The following KLRD1 variants were observed in gnomAD, a reference collection of about 807,000 sequenced individuals.
The protein encoded by KLRD1 is natural killer cells antigen CD94.
In KLRD1, 21 loss-of-function variants were observed where a neutral mutation model predicts 22.6. That is an observed-to-expected ratio of 0.93 (90% CI 0.66 to 1.34). The LOEUF (loss-of-function observed/expected upper bound fraction) is 1.34, where lower values mean the gene tolerates loss of function less well. KLRD1 is among the 40% of genes most tolerant of loss of function. The pLI is 0.00. For missense variants in KLRD1, 183 were observed against 208.6 expected, an observed-to-expected ratio of 0.88 and a Z score of 0.76; for synonymous variants, 59 against 71.1, an observed-to-expected ratio of 0.83 and a Z score of 0.85.
Position 10,316,507 on chromosome 12 carries a change from A to T in KLRD1, c.*1714A>T, listed in dbSNP as rs7301715. On this transcript the variant is annotated 3_prime_UTR_variant, in exon 6 of 6. Transcript: ENST00000336164. ...AGCTTCAACTTCCCAGGCTCAAGGG[A>T]TCCTCCCACCTCAGCCTTCTGAGTA... is the stretch of plus-strand genomic sequence containing the variant. 61,961 of 151,666 alleles carry T rather than the reference A, an allele frequency of 0.41. 12,682 individuals carry two copies. Among genetic ancestry groups the T allele is most frequent in the East Asian group, 0.5 (2,581 of 5,136 alleles). The allele number at this position is 151,666 out of a possible 1,614,324, so 9.4% of individuals were successfully genotyped here. A position where few individuals can be genotyped will look rare whatever the true frequency, so the allele number is the denominator to read the frequency against.
At chr12:10,249,406 T>G (rs1949324239) in intron 1 of KLRD1, among the ~76,000 whole-genome samples, 1 of 152,208 alleles carries the variant, frequency 6.6e-6, no homozygotes, top group Non-Finnish European at 1.5e-5. Flanking sequence ...ATTCAATCCC[T>G]AGAAAAACCT....
upstream of KLRD1, among the ~76,000 whole-genome samples, chr12:10,301,754 A>G (rs1041700292): frequency 1.3e-5 from 2 of 152,204 alleles, no homozygotes; most frequent in African/African-American, 2.4e-5. Context: ...CAACTTGGCT[A>G]ACTCTTTTGT....
rs74905551 is a variant in KLRD1, at chr12:10,285,532, A to G, written c.-100-22446A>G. ...CCAATATGAAATAAGTCCTTTGTGT[A>G]TCAATAGTCACCAGGATAATTTTTC... On this transcript the variant is annotated intron_variant, in intron 1 of 5. Coordinates refer to the KLRD1 transcript ENST00000544747. Among the ~76,000 whole-genome samples the G allele has an allele frequency of 3.9e-3, 598 of 152,336 alleles. 19 individuals carry two copies. The East Asian group carries it at 0.068, about 17-fold the overall frequency.
intron 1 of KLRD1, among the ~76,000 whole-genome samples, chr12:10,254,714 C>G (rs1949378160): frequency 6.6e-6 from 1 of 151,900 alleles, no homozygotes; most frequent in African/African-American, 2.4e-5. Flanking sequence ...CATGGTGAAA[C>G]CCTGTCTCAT....
rs151242461 is a variant in KLRD1 at position 10,252,295 on chromosome 12, A to G, written c.-101+26062A>G. Among the ~76,000 whole-genome samples, 594 of 152,212 alleles carry G rather than the reference A, an allele frequency of 3.9e-3. 6 individuals carry two copies. In the Middle Eastern group the frequency reaches 0.061, roughly 16 times the overall value. On this transcript the variant is annotated intron_variant, in intron 1 of 5. Coordinates refer to the KLRD1 transcript ENST00000544747. ...ATGTATGTTCTATAAATAATACAAAAATTAGCTGTGTGTGGTGATGTGCAG... is the reference window on the plus strand; with the variant it reads ...ATGTATGTTCTATAAATAATACAAAGATTAGCTGTGTGTGGTGATGTGCAG...
rs1397212198 is a variant in KLRD1 at position 10,324,816 on chromosome 12, G to GTATATATATATA, written c.*10024_*10025insATATATATATAT. ...TAAGTATATATGTATATGTGTGTGT[G>GTATATATATATA]TGTATATATATATATATATATATAT... On this transcript the variant is annotated 3_prime_UTR_variant, in exon 6 of 6. Transcript: ENST00000336164. 0.087 allele frequency: 1,413 copies of GTATATATATATA among 16,320 alleles called. 34 individuals carry two copies. The highest frequency in any genetic ancestry group is 0.12 in the African/African-American group (1,343 of 11,668). 1.0% of individuals were successfully genotyped at this position (16,320 alleles called of 1,614,324 possible).
upstream of KLRD1, among the ~76,000 whole-genome samples, chr12:10,300,525 T>A (rs552116650): frequency 8.5e-5 from 13 of 152,354 alleles, no homozygotes; most frequent in Admixed American, 2.6e-4. Context: ...CCATCCAGAC[T>A]TTGTTTATTC....
Position 10,320,306 on chromosome 12 carries a change from C to T in KLRD1, c.*5513C>T, listed in dbSNP as rs1950300789. On this transcript the variant is annotated 3_prime_UTR_variant, in exon 6 of 6. Transcript: ENST00000336164. ...AAATTTTGGAGTGCTTGAAAACAGG[C>T]AGTGGATGGAGGCCAAAAGGACAGG... 1 of 147,760 alleles carries T rather than the reference C, an allele frequency of 6.8e-6. No homozygotes were observed. The highest frequency in any genetic ancestry group is 1.5e-5 in the Non-Finnish European group (1 of 67,244). The allele number at this position is 147,760 out of a possible 1,614,324, so 9.2% of individuals were successfully genotyped here.
chr12:10,297,571 C>A (rs964070712), intron 1 of KLRD1, among the ~76,000 whole-genome samples: 1 of 151,992 alleles, frequency 6.6e-6, no homozygotes, highest in Non-Finnish European at 1.5e-5. Flanking sequence ...CATTTTCCCC[C>A]GAGCCCGGTT....
chr12:10,259,818 T>G (rs1949431362), intron 1 of KLRD1, among the ~76,000 whole-genome samples: 1 of 152,140 alleles, frequency 6.6e-6, no homozygotes, highest in South Asian at 2.1e-4. Context: ...ATACAAAAAT[T>G]AGCCAGGCGT....
In KLRD1 at chr12:10,309,668, C is replaced by G; in HGVS notation, c.143C>G (p.Pro48Arg). 3 of 1,612,714 alleles carry G rather than the reference C, an allele frequency of 1.9e-6. No homozygotes were observed. In the Admixed American group the frequency reaches 5.0e-5, roughly 27 times the overall value. The change falls in exon 3 of 6, where the codon CCC becomes CGC. Residue 48 changes from proline (P) to arginine (R), a missense_variant. Transcript: ENST00000336164. ...ATTGAGCCAGCATTTACTCCAGGAC[C>G]CAACATAGAACTCCAGAAAGGTAGG... is the stretch of plus-strand genomic sequence containing the variant. ...LSIEPAFTPG[P>R]NIELQKDSDC... is the part of the protein sequence containing the mutation.
intron 1 of KLRD1, among the ~76,000 whole-genome samples, chr12:10,252,047 C>T (rs1949351495): frequency 6.6e-6 from 1 of 152,128 alleles, no homozygotes; most frequent in African/African-American, 2.4e-5. Context: ...ATACCAGTTC[C>T]TCAGAGGAAA....
intron 1 of KLRD1, among the ~76,000 whole-genome samples, chr12:10,254,341 T>A (rs1369307896): frequency 7.1e-6 from 1 of 140,198 alleles, no homozygotes; most frequent in Admixed American, 8.1e-5. Flanking sequence ...GGCAGGTGAA[T>A]GGCGTGAACC....
intron 1 of KLRD1, among the ~76,000 whole-genome samples, chr12:10,295,206 A>G (rs189606832): frequency 9.9e-5 from 15 of 152,216 alleles, no homozygotes; most frequent in East Asian, 3.9e-4. Flanking sequence ...GCTGTTGCCT[A>G]TTTCTCATTT....
intron 1 of KLRD1, among the ~76,000 whole-genome samples, chr12:10,293,157 C>CATATTAGCAATAAGGCTGACAT: frequency 3.1e-5 from 1 of 32,438 alleles, no homozygotes; most frequent in Admixed American, 4.3e-4. Context: ...AAACTTTCTC[C>CATATTAGCAATAAGGCTGACAT]ATATATATAT....
rs992825091 is a variant in KLRD1, at chr12:10,318,425, G to C, written c.*3632G>C. 2 of 152,162 alleles carry C rather than the reference G, an allele frequency of 1.3e-5. No homozygotes were observed. The highest frequency in any genetic ancestry group is 4.1e-4 in the South Asian group (2 of 4,830). 9.4% of individuals were successfully genotyped at this position (152,162 alleles called of 1,614,324 possible). On this transcript the variant is annotated 3_prime_UTR_variant, in exon 6 of 6. Transcript: ENST00000336164. ...TCAGTTTCAGCTCTCATGAAACCAA[G>C]TTTCATCTCACAAATATCAGGTTTC...
intron 1 of KLRD1, among the ~76,000 whole-genome samples, chr12:10,259,422 A>G (rs182498456): frequency 2.0e-5 from 3 of 152,130 alleles, no homozygotes; most frequent in African/African-American, 7.2e-5. Flanking sequence ...GTTACTTTAC[A>G]TTTTCCTAGC....
Position 10,323,747 on chromosome 12 carries a change from C to G in KLRD1, c.*8954C>G, listed in dbSNP as rs560797035. The G allele has an allele frequency of 6.6e-6, 1 of 151,658 alleles. No individual in the cohort carries two copies. The highest frequency in any genetic ancestry group is 2.4e-5 in the African/African-American group (1 of 41,414). The allele number at this position is 151,658 out of a possible 1,614,324, so 9.4% of individuals were successfully genotyped here. A position where few individuals can be genotyped will look rare whatever the true frequency, so the allele number is the denominator to read the frequency against. On this transcript the variant is annotated 3_prime_UTR_variant, in exon 6 of 6. Coordinates refer to ENST00000336164, the MANE Select transcript of KLRD1 (RefSeq NM_002262.5). Reference sequence around the variant, plus strand: ...TTTCTATGTTTTATATAGATAGAATCATATAATATGTACATCTGTGTTCTA... The same window carrying G: ...TTTCTATGTTTTATATAGATAGAATGATATAATATGTACATCTGTGTTCTA...
intron 1 of KLRD1, among the ~76,000 whole-genome samples, chr12:10,281,104 A>G (rs1393297309): frequency 2.0e-5 from 3 of 152,242 alleles, no homozygotes; most frequent in Admixed American, 2.0e-4. Flanking sequence ...ATTTTGGATT[A>G]TCAAAGTCAG....
Sources: gnomAD v4.1 joint callset for allele counts (sites outside exome capture counted in the v4.1 genomes callset) on GRCh38, gnomAD v4.1.1 for gene constraint, MANE v1.5 for transcripts, NCBI Gene and HGNC (gene_info 2026-07-23, HGNC 2026-07-21) for gene names.